The following FADS2 variants were observed in gnomAD, a reference collection of about 807,000 sequenced individuals.
The protein encoded by FADS2 is fatty acid desaturase 2.
In FADS2, 18 loss-of-function variants were observed where a neutral mutation model predicts 61.2. The observed-to-expected ratio is 0.29, with a 90% CI of 0.20 to 0.44. The LOEUF is 0.44. FADS2 is among the 20% of genes least tolerant of loss of function. FADS2 has a pLI of 1.00. For missense variants in FADS2, 322 were observed against 572.7 expected, an observed-to-expected ratio of 0.56 and a Z score of 4.47; for synonymous variants, 203 against 223.9, an observed-to-expected ratio of 0.91 and a Z score of 0.83.
chr11:61,839,484 G>A (rs2067201243), intron 2 of FADS2, among the ~76,000 whole-genome samples: 1 of 151,870 alleles, frequency 6.6e-6, no homozygotes, highest in Non-Finnish European at 1.5e-5. Flanking sequence ...CATCATGCCT[G>A]GCTAATTTTT....
Position 61,837,775 on chromosome 11 carries a change from C to T in FADS2, c.208-3C>T, listed in dbSNP as rs369021206. 20 of 1,605,740 alleles carry T rather than the reference C, an allele frequency of 1.2e-5. No homozygotes were observed. The highest frequency in any genetic ancestry group is 1.6e-4 in the Middle Eastern group (1 of 6,072). On this transcript the variant is annotated splice_region_variant and splice_polypyrimidine_tract_variant and intron_variant, in intron 1 of 11. Transcript: ENST00000278840. ...AGCCTCATCACTGCCCTCTGCTCTC[C>T]AGGATGCCTTCCGCGCCTTCCACCC...
At chr11:61,852,862 C>T (rs1209557221) in intron 5 of FADS2, among the ~76,000 whole-genome samples, 1 of 151,968 alleles carries the variant, frequency 6.6e-6, no homozygotes, top group Non-Finnish European at 1.5e-5. Context: ...ATAATGAAAA[C>T]GTAGTCTCTC....
Position 61,816,623 on chromosome 11 carries a change from T to C in FADS2, c.141+197T>C. 2 of 1,603,554 alleles carry C rather than the reference T, an allele frequency of 1.2e-6. No homozygotes were observed. The highest frequency in any genetic ancestry group is 2.2e-5 in the South Asian group (2 of 89,802). ...CCTGGATGCCGGCGGGTGAACTCGC[T>C]GATGTTGTACACCTTACGGTCGATC... On this transcript the variant is annotated intron_variant, in intron 1 of 11. Coordinates refer to the FADS2 transcript ENST00000257261. This position sits in a 1 kb window ranked among gnomAD's most constrained non-coding sequence, Gnocchi z 7.0.
chr11:61,849,968 G>T (rs1273343848), intron 5 of FADS2, among the ~76,000 whole-genome samples: 2 of 152,100 alleles, frequency 1.3e-5, no homozygotes, highest in Non-Finnish European at 2.9e-5. Flanking sequence ...GAGCCTCAAG[G>T]CTGCAATGAG....
In FADS2 at chr11:61,842,170, C is replaced by T. The variant is rs11230806; in HGVS notation, c.618+1445C>T. Among the ~76,000 whole-genome samples the T allele has an allele frequency of 8.2e-3, 1,249 of 152,284 alleles. 28 individuals carry two copies. Among genetic ancestry groups the T allele is most frequent in the African/African-American group, 0.028 (1,170 of 41,538 alleles). On this transcript the variant is annotated intron_variant, in intron 4 of 11. Transcript: ENST00000278840. ...AGCTTATCCCCTCTTCCACCCAGACCGCAACGGGGCCCTTGGCTTGCCGGC... is the reference window on the plus strand; with the variant it reads ...AGCTTATCCCCTCTTCCACCCAGACTGCAACGGGGCCCTTGGCTTGCCGGC...
intron 4 of FADS2, chr11:61,847,641 T>C (rs1205890539): frequency 6.2e-6 from 1 of 160,256 alleles, no homozygotes; most frequent in East Asian, 1.7e-4. Flanking sequence ...TTGATGAACA[T>C]TTGTGTTGCT....
At chr11:61,827,787 C>G (rs542279317), upstream of FADS2, 1 of 155,092 alleles carries the variant, frequency 6.4e-6, no homozygotes, top group East Asian at 1.9e-4. The surrounding 1 kb of genome is among the most constrained non-coding windows in gnomAD (Gnocchi z 4.5). Flanking sequence ...GGGATCTCCT[C>G]TAGGATCTCC....
chr11:61,853,370 CTCTT>C (rs766988864), intron 5 of FADS2, among the ~76,000 whole-genome samples: 5 of 141,458 alleles, frequency 3.5e-5, no homozygotes, highest in African/African-American at 7.8e-5. Context: ...TTGAAGTAGT[CTCTT>C]TCTTTCTAAT....
rs1242641422 is a variant in FADS2, at chr11:61,858,664, C to A, written c.882+1134C>A. Among the ~76,000 whole-genome samples, 3 of 151,724 alleles carry A rather than the reference C, an allele frequency of 2.0e-5. No homozygotes were observed. In the East Asian group the frequency reaches 5.9e-4, roughly 30 times the overall value. ...GCAGTGGTGCGATCTCGGCTCACTGCAACCTCCGCCTCCTGGGTTCAAGCG... is the reference window on the plus strand; with the variant it reads ...GCAGTGGTGCGATCTCGGCTCACTGAAACCTCCGCCTCCTGGGTTCAAGCG... On this transcript the variant is annotated intron_variant, in intron 7 of 11. Coordinates refer to ENST00000278840, the MANE Select transcript of FADS2 (RefSeq NM_004265.4).
chr11:61,825,109 T>C (rs1352301210), upstream of FADS2, among the ~76,000 whole-genome samples: 1 of 152,108 alleles, frequency 6.6e-6, no homozygotes, highest in Admixed American at 6.5e-5. Context: ...AAGCCACTGC[T>C]CCCAGCCTAG....
chr11:61,846,131 CTTT>C (rs550169322), intron 4 of FADS2, among the ~76,000 whole-genome samples: 14 of 130,460 alleles, frequency 1.1e-4, no homozygotes, highest in Admixed American at 2.4e-4. Context: ...TCTTTCTTTT[CTTT>C]TTTTTTTTTT....
intron 4 of FADS2, among the ~76,000 whole-genome samples, chr11:61,841,955 C>CA (rs1210652796): frequency 1.3e-5 from 2 of 152,194 alleles, no homozygotes; most frequent in Non-Finnish European, 2.9e-5. Flanking sequence ...CTGGAATTGC[C>CA]AACTGCCTTG....
intron 4 of FADS2, chr11:61,846,525 C>CTATT (rs1300099483): frequency 1.3e-5 from 2 of 151,666 alleles, no homozygotes; most frequent in Non-Finnish European, 2.9e-5. Context: ...CCACCCATGG[C>CTATT]TATTAGTGTC....
chr11:61,820,622 G>A (rs533517261), intron 1 of FADS2, among the ~76,000 whole-genome samples: 29 of 152,240 alleles, frequency 1.9e-4, no homozygotes, highest in Admixed American at 3.9e-4. Flanking sequence ...TGAATTGGCC[G>A]GGCGTGGCAG....
At chr11:61,825,845 A>G (rs546348620), upstream of FADS2, among the ~76,000 whole-genome samples, 43 of 152,158 alleles carry the variant, frequency 2.8e-4, no homozygotes, top group African/African-American at 9.6e-4. Context: ...GTGAGTAGAG[A>G]TCGCACCACT....
intron 9 of FADS2, 111 bp from the exon 10 acceptor site, chr11:61,863,596 A>G: frequency 2.2e-6 from 2 of 908,390 alleles, no homozygotes; most frequent in Non-Finnish European, 1.8e-6. Flanking sequence ...GCAGGACGGT[A>G]TGATGTGGAC....
chr11:61,837,743 A>G (rs2072114), intron 1 of FADS2, 35 bp from the exon 2 acceptor site: 207,283 of 1,443,444 alleles, frequency 0.14, 18,227 homozygotes, highest in East Asian at 0.35. Flanking sequence ...GACAGAGTTC[A>G]GGTCTTAGCC....
chr11:61,863,729 A>C lies in FADS2; in HGVS notation c.1100A>C (p.Glu367Ala). The change falls in exon 10 of 12, where the codon GAG becomes GCG. Residue 367 changes from glutamate (E) to alanine (A), a missense_variant. By Grantham distance (107) the Glu-to-Ala change is moderately radical. Coordinates refer to ENST00000278840, the MANE Select transcript of FADS2 (RefSeq NM_004265.4). ...CAGCTGACAGCCACCTGCAACGTGG[A>C]GCAGTCCTTCTTCAACGACTGGTTC... is the stretch of plus-strand genomic sequence containing the variant. ...SSQLTATCNV[E>A]QSFFNDWFSG... The C allele has an allele frequency of 6.2e-7, 1 of 1,614,172 alleles. No homozygotes were observed. Among genetic ancestry groups the C allele is most frequent in the Non-Finnish European group, 8.5e-7 (1 of 1,179,994 alleles).
rs2067430062 is a variant in FADS2, at chr11:61,862,882, G to A, written c.883-90G>A. On this transcript the variant is annotated intron_variant, in intron 7 of 11. Coordinates refer to ENST00000278840, the MANE Select transcript of FADS2 (RefSeq NM_004265.4). The stretch of plus-strand genomic sequence containing the variant: ...GCTGCGGTCCAGCTTCTAGAGGCCT[G>A]AGTGTGAGGTGTGTGCACATCTGGG... The A allele has an allele frequency of 5.0e-6, 5 of 990,608 alleles. No homozygotes were observed. In the East Asian group the frequency reaches 9.5e-5, roughly 19 times the overall value. The allele number at this position is 990,608 out of a possible 1,614,324, so 61.4% of individuals were successfully genotyped here. A position where few individuals can be genotyped will look rare whatever the true frequency, so the allele number is the denominator to read the frequency against.
Sources: allele counts gnomAD v4.1 joint callset (sites outside exome capture counted in the v4.1 genomes callset), GRCh38; gene constraint gnomAD v4.1.1; non-coding constraint Gnocchi (gnomAD v3.1); transcripts MANE v1.5; gene names NCBI Gene and HGNC (gene_info 2026-07-23, HGNC 2026-07-21).